The following JAKMIP1 variants were observed in gnomAD, a reference collection of about 807,000 sequenced individuals.
JAKMIP1 encodes the protein janus kinase and microtubule-interacting protein 1.
In JAKMIP1, 33 loss-of-function variants were observed where a neutral mutation model predicts 113.0. That is an observed-to-expected ratio of 0.29 (90% confidence interval 0.22 to 0.39). The LOEUF is 0.39. Among genes scored for constraint, JAKMIP1 ranks in the 10% least tolerant of loss-of-function variants. The pLI is 1.00. For synonymous variants in JAKMIP1, 480 were observed against 459.9 expected, an observed-to-expected ratio of 1.04 and a Z score of -0.56; for missense variants, 813 against 1,080.5, an observed-to-expected ratio of 0.75 and a Z score of 3.47.
intron 1 of JAKMIP1, among the ~76,000 whole-genome samples, chr4:6,198,321 G>C (rs1431247402): frequency 1.3e-5 from 2 of 152,112 alleles, no homozygotes; most frequent in Non-Finnish European, 2.9e-5. Context: ...TTAGACGGGG[G>C]GAAAAAGAAG....
intron 1 of JAKMIP1, among the ~76,000 whole-genome samples, chr4:6,127,881 C>T (rs935105792): frequency 7.2e-5 from 11 of 152,244 alleles, no homozygotes; most frequent in African/African-American, 2.4e-4. Flanking sequence ...GCCCTTAGCT[C>T]CTCCGGGCAC....
At chr4:6,048,979 ACAGT>A (rs981521581) in intron 15 of JAKMIP1, 57 bp from the exon 16 acceptor site, 4 of 1,325,702 alleles carry the variant, frequency 3.0e-6, no homozygotes, top group Non-Finnish European at 4.3e-6. Context: ...CCACGTGCAG[ACAGT>A]CAGCACCAAG....
At chr4:6,099,634 G>A (rs2108861943) in intron 3 of JAKMIP1, among the ~76,000 whole-genome samples, 1 of 152,272 alleles carries the variant, frequency 6.6e-6, no homozygotes, top group East Asian at 1.9e-4. Context: ...GATCGTCTCA[G>A]ACATTGACTC....
chr4:6,052,004 T>C (rs1483272390), intron 13 of JAKMIP1, among the ~76,000 whole-genome samples: 1 of 152,132 alleles, frequency 6.6e-6, no homozygotes, highest in Non-Finnish European at 1.5e-5. Flanking sequence ...CCAATGGGCT[T>C]CTTGAATAAT....
At chr4:6,053,637 AAG>A in intron 13 of JAKMIP1, 1 of 261,752 alleles carries the variant, frequency 3.8e-6, no homozygotes, top group East Asian at 1.4e-4. Flanking sequence ...ATCACTTAAA[AAG>A]GTGTGTTATT....
chr4:6,157,621 A>G lies in JAKMIP1; in HGVS notation c.-148+42632T>C, dbSNP rs1229749844. Among the ~76,000 whole-genome samples the G allele has an allele frequency of 6.6e-6, 1 of 152,180 alleles. No individual in the cohort carries two copies. The highest frequency in any genetic ancestry group is 2.4e-5 in the African/African-American group (1 of 41,442). Reference sequence around the variant, plus strand: ...GGGATCTCCGAGCTACAATCCCACCAGAATCCCAGCTCAGCCATCTTCCCC... The same window carrying G: ...GGGATCTCCGAGCTACAATCCCACCGGAATCCCAGCTCAGCCATCTTCCCC... On this transcript the variant is annotated intron_variant, in intron 1 of 20. Transcript: ENST00000409021. This position sits in a 1 kb window ranked among gnomAD's most constrained non-coding sequence, Gnocchi z 4.7.
At position 6,154,187 on chromosome 4, in the gene JAKMIP1, C is replaced by A. The variant is rs1326720455; in HGVS notation, c.-147-41190G>T. On this transcript the variant is annotated intron_variant, in intron 1 of 20. Transcript: ENST00000409021. The surrounding 1 kb of genome is among the most constrained non-coding windows in gnomAD (Gnocchi z 4.2). ...GACCCTCGCAGGAGGGAAGACAGAGCGGAGCTGGACACAGGCGGAGGCTGA... is the reference window on the plus strand; with the variant it reads ...GACCCTCGCAGGAGGGAAGACAGAGAGGAGCTGGACACAGGCGGAGGCTGA... Among the ~76,000 whole-genome samples the A allele has an allele frequency of 6.6e-6, 1 of 152,174 alleles. No homozygotes were observed. The highest frequency in any genetic ancestry group is 1.5e-5 in the Non-Finnish European group (1 of 68,036).
chr4:6,048,289 A>G, intron 16 of JAKMIP1, among the ~76,000 whole-genome samples: 1 of 152,222 alleles, frequency 6.6e-6, no homozygotes, highest in Non-Finnish European at 1.5e-5. Context: ...GTCCTTCAAG[A>G]CATTCTTACT....
At chr4:6,122,474 G>C (rs1270852222) in intron 1 of JAKMIP1, among the ~76,000 whole-genome samples, 1 of 152,196 alleles carries the variant, frequency 6.6e-6, no homozygotes, top group Non-Finnish European at 1.5e-5. Flanking sequence ...CTACAAAGAC[G>C]CTGCATTGCA....
At chr4:6,070,283 C>T (rs763237265) in intron 8 of JAKMIP1, 17 of 392,472 alleles carry the variant, frequency 4.3e-5, no homozygotes, top group Non-Finnish European at 7.6e-5. Flanking sequence ...TCTCTCCCCA[C>T]GCACTCCCCT....
At chr4:6,147,145 A>G (rs549370324) in intron 1 of JAKMIP1, among the ~76,000 whole-genome samples, 31 of 152,154 alleles carry the variant, frequency 2.0e-4, no homozygotes, top group African/African-American at 7.0e-4. Context: ...TATTTTTAGT[A>G]GAGACAGGGT....
At chr4:6,113,174 C>T (rs746297534) in intron 1 of JAKMIP1, among the ~76,000 whole-genome samples, 177 bp from the exon 2 acceptor site, 13 of 152,174 alleles carry the variant, frequency 8.5e-5, no homozygotes, top group African/African-American at 1.2e-4. Context: ...GTTGTTAAGG[C>T]GTGGAGTCCT....
At chr4:6,103,920 T>G (rs935445377) in intron 3 of JAKMIP1, among the ~76,000 whole-genome samples, 7 of 152,146 alleles carry the variant, frequency 4.6e-5, no homozygotes, top group Non-Finnish European at 8.8e-5. Context: ...TCAGTTTTAA[T>G]TAACTCTTGA....
chr4:6,156,765 T>A lies in JAKMIP1; in HGVS notation c.-148+43488A>T, dbSNP rs1355255487. On this transcript the variant is annotated intron_variant, in intron 1 of 20. Transcript: ENST00000409021. The surrounding 1 kb of genome is among the most constrained non-coding windows in gnomAD (Gnocchi z 5.0). Reference sequence around the variant, plus strand: ...GGCTAGACCTTGGTTACATCCCAGCTCCACTGTCCCCAGATGTCTGGTCTT... The same window carrying A: ...GGCTAGACCTTGGTTACATCCCAGCACCACTGTCCCCAGATGTCTGGTCTT... Among the ~76,000 whole-genome samples the A allele has an allele frequency of 6.6e-6, 1 of 152,232 alleles. No homozygotes were observed. Among genetic ancestry groups the A allele is most frequent in the Non-Finnish European group, 1.5e-5 (1 of 68,038 alleles).
chr4:6,108,641 C>T lies in JAKMIP1; in HGVS notation c.130-2674G>A, dbSNP rs998248723. Among the ~76,000 whole-genome samples, 4 of 152,144 alleles carry T rather than the reference C, an allele frequency of 2.6e-5. No homozygotes were observed. The highest frequency in any genetic ancestry group is 9.7e-5 in the African/African-American group (4 of 41,444). On this transcript the variant is annotated intron_variant, in intron 2 of 20. Coordinates refer to ENST00000409021, the MANE Select transcript of JAKMIP1 (RefSeq NM_001099433.2). The surrounding 1 kb of genome is among the most constrained non-coding windows in gnomAD (Gnocchi z 5.6). ...CTTGCCCAAGCCACCTGCAGCAGCC[C>T]TCCCCGCCACACCCTCCATGCTCAA...
chr4:6,112,975 G>T lies in JAKMIP1; in HGVS notation c.-125C>A. 1 of 1,331,688 alleles carries T rather than the reference G, an allele frequency of 7.5e-7. No homozygotes were observed. Among genetic ancestry groups the T allele is most frequent in the Non-Finnish European group, 1.0e-6 (1 of 1,004,186 alleles). The allele number at this position is 1,331,688 out of a possible 1,614,324, so 82.5% of individuals were successfully genotyped here. ...GCGCAGGACTCAGCTCGCCCTCCGA[G>T]GAAACCACCATCACTTGGGATCCTG... is the stretch of plus-strand genomic sequence containing the variant. On this transcript the variant is annotated 5_prime_UTR_variant, in exon 2 of 21. Coordinates refer to ENST00000409021, the MANE Select transcript of JAKMIP1 (RefSeq NM_001099433.2).
chr4:6,177,314 G>T (rs6446471), intron 1 of JAKMIP1, among the ~76,000 whole-genome samples: 147,628 of 152,278 alleles, frequency 0.97, 71,730 homozygotes, highest in East Asian at 1. Flanking sequence ...AGGGAGGGTG[G>T]GGCTAATCCA....
chr4:6,078,319 A>G (rs1719979454), intron 8 of JAKMIP1, among the ~76,000 whole-genome samples: 1 of 143,620 alleles, frequency 7.0e-6, no homozygotes. Context: ...TGTCTAAAAA[A>G]AAAAAACAAA....
intron 1 of JAKMIP1, among the ~76,000 whole-genome samples, chr4:6,174,472 T>G (rs1252553036): frequency 6.6e-6 from 1 of 152,152 alleles, no homozygotes; most frequent in Non-Finnish European, 1.5e-5. Flanking sequence ...GTTTAAGAAA[T>G]CAGAGGTCAC....
Sources: gnomAD v4.1 joint callset for allele counts (sites outside exome capture counted in the v4.1 genomes callset) on GRCh38, gnomAD v4.1.1 for gene constraint, Gnocchi (gnomAD v3.1) non-coding constraint, MANE v1.5 for transcripts, NCBI Gene and HGNC (gene_info 2026-07-23, HGNC 2026-07-21) for gene names.